PRKCB: variants seen among roughly 807,000 people sequenced by gnomAD.
PRKCB encodes protein kinase C beta type.
A neutral mutation model predicts 81.5 loss-of-function variants in PRKCB; 13 were observed. That is an observed-to-expected ratio of 0.16 (90% CI 0.10 to 0.25). The LOEUF (loss-of-function observed/expected upper bound fraction) is 0.25, where lower values mean the gene tolerates loss of function less well. Ranked by LOEUF, PRKCB falls within the 10% of genes least tolerant of loss-of-function variation. The probability of loss-of-function intolerance (pLI) is 1.00; values close to 1 mark genes in which losing one functional copy is unlikely to be tolerated. For synonymous variants in PRKCB, 335 were observed against 321.4 expected, an observed-to-expected ratio of 1.04 and a Z score of -0.45; for missense variants, 509 against 875.7, an observed-to-expected ratio of 0.58 and a Z score of 5.29.
At chr16:24,085,733 C>T (rs1186286752) in intron 5 of PRKCB, among the ~76,000 whole-genome samples, 1 of 152,156 alleles carries the variant, frequency 6.6e-6, no homozygotes, top group Non-Finnish European at 1.5e-5. Context: ...AGAGTCATGG[C>T]AGAGGTAGAA....
chr16:23,843,450 T>A (rs530713750), intron 2 of PRKCB, among the ~76,000 whole-genome samples: 2 of 152,264 alleles, frequency 1.3e-5, no homozygotes, highest in South Asian at 4.1e-4. Context: ...TTCTTTTTTT[T>A]ACCACCTGAC....
intron 2 of PRKCB, among the ~76,000 whole-genome samples, chr16:23,864,803 C>G (rs1962744097): frequency 6.6e-6 from 1 of 151,910 alleles, no homozygotes; most frequent in African/African-American, 2.4e-5. Flanking sequence ...GAGCGTGATG[C>G]TAAGGTTAGG....
intron 2 of PRKCB, among the ~76,000 whole-genome samples, chr16:23,926,345 A>G (rs1022047442): frequency 1.3e-5 from 2 of 151,926 alleles, no homozygotes; most frequent in African/African-American, 4.8e-5. Flanking sequence ...TTAGCTGGGC[A>G]TGATGGCGGG....
At chr16:23,949,031 A>G (rs1373715559) in intron 2 of PRKCB, among the ~76,000 whole-genome samples, 1 of 152,208 alleles carries the variant, frequency 6.6e-6, no homozygotes, top group Non-Finnish European at 1.5e-5. Context: ...AGTGGTAATC[A>G]GAGGCAACCG....
chr16:24,157,676 A>C (rs917159353), intron 10 of PRKCB, among the ~76,000 whole-genome samples: 19 of 148,426 alleles, frequency 1.3e-4, no homozygotes, highest in East Asian at 6.1e-4. Context: ...CAATGCAAGT[A>C]ATTGAATCGT....
At chr16:24,068,174 T>C (rs1299029263) in intron 5 of PRKCB, among the ~76,000 whole-genome samples, 1 of 152,174 alleles carries the variant, frequency 6.6e-6, no homozygotes, top group Non-Finnish European at 1.5e-5. Context: ...CCCCAATTTT[T>C]GTTTCTCTAG....
In PRKCB at chr16:24,218,596, C is replaced by G; in HGVS notation, c.*3780C>G. On this transcript the variant is annotated 3_prime_UTR_variant, in exon 17 of 17. Coordinates refer to ENST00000643927, the MANE Select transcript of PRKCB (RefSeq NM_002738.7). ...TTTACCTATCTCAGGGGAGCAGCCA[C>G]AAAGAAGCAAGTCTTGTAAAAGGTC... The G allele has an allele frequency of 1.0e-6, 1 of 985,464 alleles. No homozygotes were observed. The highest frequency in any genetic ancestry group is 1.2e-6 in the Non-Finnish European group (1 of 829,978). 61.0% of individuals were successfully genotyped at this position (985,464 alleles called of 1,614,324 possible). A position where few individuals can be genotyped will look rare whatever the true frequency, so the allele number is the denominator to read the frequency against.
intron 2 of PRKCB, among the ~76,000 whole-genome samples, chr16:23,838,979 C>T (rs767101639): frequency 3.3e-5 from 5 of 152,158 alleles, no homozygotes; most frequent in Non-Finnish European, 7.3e-5. Context: ...GTCTTGGCAC[C>T]GGAATGTGTA....
At chr16:23,846,236 C>A (rs890091787) in intron 2 of PRKCB, among the ~76,000 whole-genome samples, 4 of 151,916 alleles carry the variant, frequency 2.6e-5, no homozygotes, top group Non-Finnish European at 4.4e-5. Flanking sequence ...AACCCTCTAA[C>A]ACAAATCTGG....
chr16:23,869,647 TAA>T (rs975073561), intron 2 of PRKCB, among the ~76,000 whole-genome samples: 1 of 152,258 alleles, frequency 6.6e-6, no homozygotes, highest in African/African-American at 2.4e-5. Flanking sequence ...TATTTTTCTT[TAA>T]AGAGTCTGTT....
intron 3 of PRKCB, among the ~76,000 whole-genome samples, chr16:24,021,281 C>G (rs1374336599): frequency 1.1e-5 from 1 of 93,590 alleles, no homozygotes; most frequent in Non-Finnish European, 2.1e-5. Context: ...TCTTTCTTTT[C>G]TCCCTCTCCC....
intron 2 of PRKCB, among the ~76,000 whole-genome samples, chr16:23,934,596 T>C (rs937307759): frequency 2.0e-5 from 3 of 152,222 alleles, no homozygotes; most frequent in South Asian, 2.1e-4. Flanking sequence ...ATTAATAAGT[T>C]CCATAAAATA....
At chr16:23,886,136 A>C (rs1003596419) in intron 2 of PRKCB, among the ~76,000 whole-genome samples, 20 of 152,196 alleles carry the variant, frequency 1.3e-4, no homozygotes, top group Admixed American at 2.6e-4. Flanking sequence ...CTGAGATCCA[A>C]ATCTAAGCAT....
intron 2 of PRKCB, among the ~76,000 whole-genome samples, chr16:23,966,325 C>T (rs1214542506): frequency 6.6e-6 from 1 of 152,088 alleles, no homozygotes; most frequent in African/African-American, 2.4e-5. Context: ...GTGTTCTGGC[C>T]TGGATTTGAA....
chr16:24,202,585 G>A (rs1318811458), intron 16 of PRKCB, among the ~76,000 whole-genome samples: 2 of 152,186 alleles, frequency 1.3e-5, no homozygotes, highest in Non-Finnish European at 2.9e-5. Flanking sequence ...TAGGCTTCCT[G>A]GTTCTCCTTC....
chr16:23,930,054 C>T (rs963061299), intron 2 of PRKCB, among the ~76,000 whole-genome samples: 1 of 152,072 alleles, frequency 6.6e-6, no homozygotes, highest in Non-Finnish European at 1.5e-5. Context: ...GATTCTCAAA[C>T]CTCCTAGTAA....
chr16:23,877,903 G>A (rs1490126456), intron 2 of PRKCB, among the ~76,000 whole-genome samples: 2 of 151,134 alleles, frequency 1.3e-5, no homozygotes, highest in Non-Finnish European at 2.9e-5. Flanking sequence ...GCATGATCTC[G>A]GCTCACCGCA....
chr16:23,876,129 C>T lies in PRKCB; in HGVS notation c.205+38723C>T, dbSNP rs1227109442. ...CACACGCATGCAGTCATTTTTTGGA[C>T]CCCTGTCTATGTGCTCTGCACAATG... On this transcript the variant is annotated intron_variant, in intron 2 of 16. Coordinates refer to ENST00000643927, the MANE Select transcript of PRKCB (RefSeq NM_002738.7). Among the ~76,000 whole-genome samples the T allele has an allele frequency of 3.3e-5, 5 of 152,198 alleles. 1 individual carries two copies. Among genetic ancestry groups the T allele is most frequent in the Admixed American group, 2.6e-4 (4 of 15,274 alleles).
rs1567286788 is a variant in PRKCB at position 23,843,116 on chromosome 16, T to C, written c.205+5710T>C. Among the ~76,000 whole-genome samples, 3 of 151,168 alleles carry C rather than the reference T, an allele frequency of 2.0e-5. No individual in the cohort carries two copies. In the South Asian group the frequency reaches 6.3e-4, roughly 32 times the overall value. The stretch of plus-strand genomic sequence containing the variant: ...TGTAGATTAGCATAGCATATGTGTA[T>C]TTATATAACAAAAAATGAATCAAAA... On this transcript the variant is annotated intron_variant, in intron 2 of 16. Coordinates refer to ENST00000643927, the MANE Select transcript of PRKCB (RefSeq NM_002738.7).
Sources: allele counts gnomAD v4.1 joint callset (sites outside exome capture counted in the v4.1 genomes callset), GRCh38; gene constraint gnomAD v4.1.1; transcripts MANE v1.5; gene names NCBI Gene and HGNC (gene_info 2026-07-23, HGNC 2026-07-21).